FSTL5: variants seen among roughly 807,000 people sequenced by gnomAD.
The protein encoded by FSTL5 is follistatin-related protein 5.
In FSTL5, 62 loss-of-function variants were observed where a neutral mutation model predicts 89.1. That is an observed-to-expected ratio of 0.70 (90% CI 0.57 to 0.86). The LOEUF is 0.86. Among genes scored for constraint, FSTL5 ranks in the 40% least tolerant of loss-of-function variants. The pLI is 0.00. For synonymous variants in FSTL5, 383 were observed against 346.2 expected (o/e 1.11, Z -1.18); for missense variants, 1,057 against 1,001.6 (o/e 1.06, Z -0.75).
At chr4:161,849,785 G>A (rs145163207) in intron 4 of FSTL5, among the ~76,000 whole-genome samples, 1 of 152,064 alleles carries the variant, frequency 6.6e-6, no homozygotes, top group Admixed American at 6.5e-5. Context: ...TAGCGATACT[G>A]TCAATCTACT....
chr4:161,586,829 A>T (rs57931392), intron 8 of FSTL5, among the ~76,000 whole-genome samples: 48,561 of 152,096 alleles, frequency 0.32, 7,955 homozygotes, highest in East Asian at 0.58. Flanking sequence ...ACAGAAAGCC[A>T]TGTAAGTTTC....
At chr4:161,848,467 T>A (rs1444555140) in intron 4 of FSTL5, among the ~76,000 whole-genome samples, 1 of 152,200 alleles carries the variant, frequency 6.6e-6, no homozygotes, top group Non-Finnish European at 1.5e-5. Flanking sequence ...TAATGTTTTT[T>A]AAAAGATGTT....
At chr4:161,944,286 G>A (rs1322829753) in intron 3 of FSTL5, among the ~76,000 whole-genome samples, 1 of 151,836 alleles carries the variant, frequency 6.6e-6, no homozygotes, top group African/African-American at 2.4e-5. Flanking sequence ...AACTCCCAAT[G>A]GTCTTCTGTG....
chr4:161,503,534 AC>A (rs1266599426), intron 11 of FSTL5, among the ~76,000 whole-genome samples: 2 of 151,958 alleles, frequency 1.3e-5, no homozygotes, highest in Non-Finnish European at 2.9e-5. Context: ...TATGATTTCA[AC>A]CAATGCCATT....
intron 12 of FSTL5, among the ~76,000 whole-genome samples, chr4:161,491,553 C>A (rs1337386540): frequency 6.6e-6 from 1 of 151,950 alleles, no homozygotes; most frequent in African/African-American, 2.4e-5. Flanking sequence ...TAGGAGACAG[C>A]CAACAGGCTG....
intron 14 of FSTL5, among the ~76,000 whole-genome samples, chr4:161,456,129 G>C (rs947637697): frequency 2.6e-5 from 4 of 152,060 alleles, no homozygotes; most frequent in African/African-American, 2.4e-5. Flanking sequence ...AAAATGGAAG[G>C]CTTCTATTTC....
intron 2 of FSTL5, among the ~76,000 whole-genome samples, chr4:162,088,916 T>C (rs1445256209): frequency 1.3e-5 from 2 of 152,160 alleles, no homozygotes; most frequent in Non-Finnish European, 2.9e-5. Context: ...GGTCTGAATG[T>C]ATCCCTGCAA....
At chr4:161,393,626 G>T (rs985870991) in intron 15 of FSTL5, among the ~76,000 whole-genome samples, 6 of 152,084 alleles carry the variant, frequency 3.9e-5, no homozygotes, top group African/African-American at 1.4e-4. Flanking sequence ...AATTCTAATT[G>T]GAATAAATCA....
intron 4 of FSTL5, among the ~76,000 whole-genome samples, chr4:161,886,851 T>C (rs1486946359): frequency 6.6e-6 from 1 of 152,144 alleles, no homozygotes; most frequent in African/African-American, 2.4e-5. Context: ...TCACAAATAT[T>C]TCTATAGCAA....
rs565467769 is a variant in FSTL5 at position 161,571,042 on chromosome 4, G to A, written c.1015+16413C>T. Among the ~76,000 whole-genome samples, 49 of 152,112 alleles carry A rather than the reference G, an allele frequency of 3.2e-4. 1 individual carries two copies. In the South Asian group the frequency reaches 5.0e-3, roughly 15 times the overall value. On this transcript the variant is annotated intron_variant, in intron 8 of 15. Coordinates refer to ENST00000306100, the MANE Select transcript of FSTL5 (RefSeq NM_020116.5). ...TGAGGCAGGAGAATCACTTGAGGCG[G>A]AGGTTTCGGTGAGCCAAGATCACGC...
chr4:161,423,539 T>A (rs1322927185), intron 15 of FSTL5, among the ~76,000 whole-genome samples: 1 of 152,172 alleles, frequency 6.6e-6, no homozygotes, highest in Non-Finnish European at 1.5e-5. Context: ...TCTTTTATTT[T>A]TTTGGCATGA....
chr4:161,841,337 A>T (rs1284821357), intron 4 of FSTL5, among the ~76,000 whole-genome samples: 1 of 152,218 alleles, frequency 6.6e-6, no homozygotes, highest in East Asian at 1.9e-4. Flanking sequence ...AAAGTATTGT[A>T]CAAAATATAT....
At chr4:162,109,342 AAC>A (rs1227145254) in intron 2 of FSTL5, among the ~76,000 whole-genome samples, 12 of 152,050 alleles carry the variant, frequency 7.9e-5, no homozygotes, top group Non-Finnish European at 1.2e-4. Flanking sequence ...ATTCCTGTCA[AAC>A]ATACACTTTC....
At chr4:161,625,916 A>T (rs1351740946) in intron 7 of FSTL5, among the ~76,000 whole-genome samples, 1 of 152,164 alleles carries the variant, frequency 6.6e-6, no homozygotes, top group African/African-American at 2.4e-5. Context: ...TTCCCTTAAG[A>T]CAAAACTAAT....
chr4:161,824,427 G>A (rs1026326858), intron 4 of FSTL5, among the ~76,000 whole-genome samples: 4 of 152,154 alleles, frequency 2.6e-5, no homozygotes, highest in Non-Finnish European at 4.4e-5. Context: ...TTATAATATA[G>A]TTTGAAGTCA....
At chr4:161,492,245 A>T (rs1420916748) in intron 12 of FSTL5, among the ~76,000 whole-genome samples, 1 of 152,140 alleles carries the variant, frequency 6.6e-6, no homozygotes, top group East Asian at 1.9e-4. Flanking sequence ...CCTGCCTATC[A>T]CAATGCTTGA....
At chr4:161,913,165 A>G (rs1324965785) in intron 4 of FSTL5, among the ~76,000 whole-genome samples, 1 of 152,202 alleles carries the variant, frequency 6.6e-6, no homozygotes, top group Non-Finnish European at 1.5e-5. Context: ...CACATTTTTG[A>G]GGAGAAATTC....
intron 8 of FSTL5, among the ~76,000 whole-genome samples, chr4:161,559,481 T>C (rs1732511607): frequency 2.0e-5 from 3 of 151,910 alleles, no homozygotes; most frequent in Admixed American, 2.0e-4. Flanking sequence ...AGTTTTAAAA[T>C]TGTCACTTCT....
chr4:161,806,293 C>A (rs901674763), intron 4 of FSTL5, among the ~76,000 whole-genome samples: 5 of 152,124 alleles, frequency 3.3e-5, no homozygotes, highest in Non-Finnish European at 7.4e-5. Flanking sequence ...CCTGGATAAA[C>A]ACCCTTCCCA....
Sources: gnomAD v4.1 joint callset for allele counts (sites outside exome capture counted in the v4.1 genomes callset) on GRCh38, gnomAD v4.1.1 for gene constraint, MANE v1.5 for transcripts, NCBI Gene and HGNC (gene_info 2026-07-23, HGNC 2026-07-21) for gene names.